The following FAM174A variants were observed in gnomAD, a reference collection of about 807,000 sequenced individuals.
FAM174A encodes membrane protein FAM174A.
FAM174A carries 14 observed loss-of-function variants against 14.3 expected under a neutral mutation model. The observed-to-expected ratio is 0.98, with a 90% CI of 0.65 to 1.53. The LOEUF is 1.53. FAM174A is among the 40% of genes most tolerant of loss of function. FAM174A has a pLI of 0.00. For synonymous variants in FAM174A, 108 were observed against 111.4 expected, an observed-to-expected ratio of 0.97 and a Z score of 0.19; for missense variants, 241 against 249.6, an observed-to-expected ratio of 0.97 and a Z score of 0.23.
At chr5:100,544,103 T>C (rs1404942470) in intron 1 of FAM174A, among the ~76,000 whole-genome samples, 1 of 152,202 alleles carries the variant, frequency 6.6e-6, no homozygotes, top group African/African-American at 2.4e-5. Flanking sequence ...GGCTTATGCC[T>C]GTAATCCCAG....
intron 1 of FAM174A, among the ~76,000 whole-genome samples, chr5:100,536,195 T>C (rs1745939139): frequency 6.6e-6 from 1 of 152,206 alleles, no homozygotes; most frequent in Admixed American, 6.5e-5. Flanking sequence ...AATCTCTTCA[T>C]CTGACCTACA....
chr5:100,557,958 G>T (rs982173968), intron 1 of FAM174A, among the ~76,000 whole-genome samples: 2 of 152,054 alleles, frequency 1.3e-5, no homozygotes, highest in African/African-American at 4.8e-5. Flanking sequence ...TCTGATCTTA[G>T]TTATTTCTTG....
At chr5:100,571,205 A>G (rs1361774712) in intron 2 of FAM174A, among the ~76,000 whole-genome samples, 2 of 151,290 alleles carry the variant, frequency 1.3e-5, no homozygotes, top group Non-Finnish European at 3.0e-5. Flanking sequence ...TCATGTTTTG[A>G]TATTAGGGTT....
chr5:100,580,066 G>A (rs574336395), intron 2 of FAM174A, among the ~76,000 whole-genome samples: 73 of 152,144 alleles, frequency 4.8e-4, no homozygotes, highest in Non-Finnish European at 9.3e-4. Flanking sequence ...CTTTTTGAAG[G>A]TATTTTAAAC....
At chr5:100,564,471 A>C (rs879731826) in intron 2 of FAM174A, among the ~76,000 whole-genome samples, 6 of 151,942 alleles carry the variant, frequency 3.9e-5, no homozygotes, top group Non-Finnish European at 7.4e-5. Context: ...CCTTTCAGAA[A>C]GTGGCAAAAG....
chr5:100,581,593 G>T (rs1747018521), intron 2 of FAM174A, among the ~76,000 whole-genome samples: 1 of 152,178 alleles, frequency 6.6e-6, no homozygotes, highest in South Asian at 2.1e-4. Context: ...AAGGCTGGAA[G>T]AGAATTGGCT....
chr5:100,573,758 A>G (rs527882842), intron 2 of FAM174A, among the ~76,000 whole-genome samples: 20 of 150,860 alleles, frequency 1.3e-4, no homozygotes, highest in African/African-American at 3.0e-4. Context: ...AAAAGAGCCC[A>G]CATCGCCAAG....
chr5:100,555,896 TG>T (rs1746367918), intron 1 of FAM174A, among the ~76,000 whole-genome samples: 1 of 152,208 alleles, frequency 6.6e-6, no homozygotes, highest in African/African-American at 2.4e-5. Flanking sequence ...ATAGGTTGCC[TG>T]TTCACTCTGA....
At position 100,538,839 on chromosome 5, in the gene FAM174A, C is replaced by G. The variant is rs147126356; in HGVS notation, c.434+2875C>G. On this transcript the variant is annotated intron_variant, in intron 1 of 2. Transcript: ENST00000312637. ...ATTTCCTTCCTCTCAGTAGGACATT[C>G]TCTCCACAGTAAAATGTATAAGGCC... Among the ~76,000 whole-genome samples, 930 of 151,908 alleles carry G rather than the reference C, an allele frequency of 6.1e-3. 6 individuals are homozygous for G. The highest frequency in any genetic ancestry group is 9.1e-3 in the Non-Finnish European group (616 of 67,942).
chr5:100,553,734 A>G (rs1746308702), intron 1 of FAM174A, among the ~76,000 whole-genome samples: 1 of 152,138 alleles, frequency 6.6e-6, no homozygotes. Context: ...TTACATACAC[A>G]TGTAAATTAA....
chr5:100,550,668 T>C (rs747079236), intron 1 of FAM174A, among the ~76,000 whole-genome samples: 20 of 152,146 alleles, frequency 1.3e-4, no homozygotes, highest in Non-Finnish European at 2.5e-4. Context: ...ATAAGCACTT[T>C]AAAGGACATG....
At chr5:100,576,570 A>G (rs1746910323) in intron 2 of FAM174A, among the ~76,000 whole-genome samples, 1 of 152,162 alleles carries the variant, frequency 6.6e-6, no homozygotes, top group Non-Finnish European at 1.5e-5. Context: ...GAGATCATTC[A>G]TAAACTAAGA....
intron 2 of FAM174A, among the ~76,000 whole-genome samples, chr5:100,582,718 G>A (rs1457031761): frequency 2.0e-5 from 3 of 151,966 alleles, no homozygotes; most frequent in African/African-American, 7.2e-5. Flanking sequence ...TCTTTAGTAT[G>A]GATAATTTTT....
chr5:100,578,297 T>A (rs900915498), intron 2 of FAM174A, among the ~76,000 whole-genome samples: 2 of 152,140 alleles, frequency 1.3e-5, no homozygotes, highest in African/African-American at 4.8e-5. Context: ...CTGAATGCCC[T>A]TAGACCAATC....
At chr5:100,574,463 C>A (rs1746860568) in intron 2 of FAM174A, among the ~76,000 whole-genome samples, 1 of 152,162 alleles carries the variant, frequency 6.6e-6, no homozygotes, top group Admixed American at 6.6e-5. Context: ...GCTGGGATTA[C>A]AGATGTGAGC....
At chr5:100,540,900 G>T (rs999424040) in intron 1 of FAM174A, among the ~76,000 whole-genome samples, 1 of 152,158 alleles carries the variant, frequency 6.6e-6, no homozygotes, top group Non-Finnish European at 1.5e-5. Flanking sequence ...TATCTATACG[G>T]GGTAAATGTA....
At chr5:100,563,596 A>T (rs571454132) in intron 2 of FAM174A, among the ~76,000 whole-genome samples, 1 of 151,936 alleles carries the variant, frequency 6.6e-6, no homozygotes, top group South Asian at 2.1e-4. Context: ...TAGACAGAAA[A>T]TCAATAAAGA....
intron 1 of FAM174A, among the ~76,000 whole-genome samples, chr5:100,546,425 A>G (rs566800009): frequency 1.3e-5 from 2 of 152,142 alleles, no homozygotes; most frequent in Non-Finnish European, 2.9e-5. Flanking sequence ...ATGAACACTA[A>G]TAATATCTAC....
chr5:100,540,846 G>A (rs1746034594), intron 1 of FAM174A, among the ~76,000 whole-genome samples: 1 of 152,176 alleles, frequency 6.6e-6, no homozygotes, highest in Non-Finnish European at 1.5e-5. Context: ...GGGCGTTGAG[G>A]CCAGAGCAAT....
Sources: allele counts gnomAD v4.1 joint callset (sites outside exome capture counted in the v4.1 genomes callset), GRCh38; gene constraint gnomAD v4.1.1; transcripts MANE v1.5; gene names NCBI Gene and HGNC (gene_info 2026-07-23, HGNC 2026-07-21).